The following XKR9 variants were observed in gnomAD, a reference collection of about 807,000 sequenced individuals.
XKR9 encodes XK related 9.
Under a neutral mutation model 32.0 loss-of-function variants are expected in XKR9, and 32 were observed. That is an observed-to-expected ratio of 1.00 (90% CI 0.76 to 1.34). XKR9 has a LOEUF of 1.34. Ranked by LOEUF, XKR9 falls within the 40% of genes most tolerant of loss-of-function variation. XKR9 has a pLI of 0.00. For missense variants in XKR9, 546 were observed against 429.7 expected (o/e 1.27, Z -2.39); for synonymous variants, 168 against 143.4 (o/e 1.17, Z -1.22).
At chr8:70,826,916 T>A in the XKR9 span, among the ~76,000 whole-genome samples, 1 of 152,122 alleles carries the variant, frequency 6.6e-6, no homozygotes, top group South Asian at 2.1e-4. Context: ...TTGAAGACCA[T>A]TTTTTAAAAA....
chr8:70,968,192 C>T, the XKR9 span, among the ~76,000 whole-genome samples: 1 of 151,546 alleles, frequency 6.6e-6, no homozygotes, highest in African/African-American at 2.4e-5. Flanking sequence ...AGATAGTCTT[C>T]AAACTCTGAG....
chr8:70,954,336 G>T, the XKR9 span, among the ~76,000 whole-genome samples: 1 of 152,166 alleles, frequency 6.6e-6, no homozygotes, highest in Non-Finnish European at 1.5e-5. Context: ...CTGGGGAGGA[G>T]CTGGGGATGG....
downstream of XKR9, among the ~76,000 whole-genome samples, chr8:70,793,761 A>T (rs1274495146): frequency 6.6e-6 from 1 of 151,990 alleles, no homozygotes; most frequent in Non-Finnish European, 1.5e-5. Context: ...GTAGCTTTGT[A>T]GTAGAATTTA....
the XKR9 span, among the ~76,000 whole-genome samples, chr8:70,812,455 G>A: frequency 3.9e-5 from 6 of 152,178 alleles, no homozygotes; most frequent in Middle Eastern, 3.2e-3. Flanking sequence ...AATTAGGCAG[G>A]AGAAGGAAAT....
intron 2 of XKR9, among the ~76,000 whole-genome samples, chr8:70,765,809 C>T (rs1394652131): frequency 6.6e-6 from 1 of 152,162 alleles, no homozygotes; most frequent in Admixed American, 6.5e-5. Context: ...GGTCCAGTTT[C>T]AGTTTTCTGC....
At chr8:71,040,978 GT>G in the XKR9 span, among the ~76,000 whole-genome samples, 1 of 152,112 alleles carries the variant, frequency 6.6e-6, no homozygotes, top group Admixed American at 6.6e-5. Flanking sequence ...CTTGATACAT[GT>G]CAACTGGAAA....
At chr8:70,747,789 C>T (rs1807079164) in intron 2 of XKR9, among the ~76,000 whole-genome samples, 1 of 152,022 alleles carries the variant, frequency 6.6e-6, no homozygotes, top group Non-Finnish European at 1.5e-5. Flanking sequence ...TATTTAAAGT[C>T]CAAAGACTGG....
chr8:70,740,102 C>G (rs528577369), downstream of XKR9, among the ~76,000 whole-genome samples: 5 of 152,188 alleles, frequency 3.3e-5, no homozygotes, highest in Non-Finnish European at 7.3e-5. Context: ...CTTTCAGGTA[C>G]AGCAATCAGA....
At chr8:70,698,291 T>G (rs1236797231) in intron 3 of XKR9, among the ~76,000 whole-genome samples, 24 of 151,014 alleles carry the variant, frequency 1.6e-4, no homozygotes, top group South Asian at 6.3e-4. Context: ...TGTCAATTTT[T>G]GATCTTTCCT....
At chr8:70,777,184 T>C (rs189604559) in intron 2 of XKR9, among the ~76,000 whole-genome samples, 20 of 151,620 alleles carry the variant, frequency 1.3e-4, no homozygotes, top group African/African-American at 4.3e-4. Context: ...TCAACTCCCA[T>C]TTATGAGTGA....
At chr8:70,880,054 G>A in the XKR9 span, among the ~76,000 whole-genome samples, 5 of 152,068 alleles carry the variant, frequency 3.3e-5, no homozygotes, top group Admixed American at 2.0e-4. Flanking sequence ...TGCAGAAAAG[G>A]CCTTTGACAA....
chr8:70,976,074 AT>A, the XKR9 span, among the ~76,000 whole-genome samples: 1 of 152,098 alleles, frequency 6.6e-6, no homozygotes, highest in Non-Finnish European at 1.5e-5. Context: ...AATGCTTGTG[AT>A]TTTTGCACAT....
chr8:71,014,892 A>T, the XKR9 span, among the ~76,000 whole-genome samples: 2 of 152,174 alleles, frequency 1.3e-5, no homozygotes, highest in Non-Finnish European at 2.9e-5. Flanking sequence ...CCTGTGTTTG[A>T]GTCCTGGGTC....
At chr8:71,039,266 A>C in the XKR9 span, among the ~76,000 whole-genome samples, 1 of 152,208 alleles carries the variant, frequency 6.6e-6, no homozygotes, top group Non-Finnish European at 1.5e-5. Context: ...CAATAAACCT[A>C]TCAAAAGCTG....
chr8:70,706,518 A>G (rs1805722580), intron 3 of XKR9, among the ~76,000 whole-genome samples: 1 of 152,122 alleles, frequency 6.6e-6, no homozygotes, highest in Non-Finnish European at 1.5e-5. Context: ...TGTCTTTCAG[A>G]AAGTAGTGGT....
the XKR9 span, among the ~76,000 whole-genome samples, chr8:70,798,808 C>A: frequency 6.6e-6 from 1 of 152,192 alleles, no homozygotes; most frequent in Non-Finnish European, 1.5e-5. Flanking sequence ...ATAGGGAGTC[C>A]TTTTCCCATT....
chr8:71,064,237 A>T, the XKR9 span, among the ~76,000 whole-genome samples: 1 of 152,146 alleles, frequency 6.6e-6, no homozygotes, highest in Non-Finnish European at 1.5e-5. Context: ...GATCTATAAC[A>T]TTTCACTCTT....
chr8:70,690,267 C>G (rs548185973), intron 3 of XKR9, among the ~76,000 whole-genome samples: 19 of 152,092 alleles, frequency 1.2e-4, no homozygotes, highest in Admixed American at 1.2e-3. Flanking sequence ...CACCCTCCCC[C>G]TCAAGTAGAT....
At chr8:70,695,887 G>A (rs1805254803) in intron 3 of XKR9, among the ~76,000 whole-genome samples, 1 of 150,950 alleles carries the variant, frequency 6.6e-6, no homozygotes, top group Non-Finnish European at 1.5e-5. Context: ...GTGTGAGATG[G>A]TATCTCATTG....
Sources: allele counts gnomAD v4.1 joint callset (sites outside exome capture counted in the v4.1 genomes callset), GRCh38; gene constraint gnomAD v4.1.1; transcripts MANE v1.5; gene names NCBI Gene and HGNC (gene_info 2026-07-23, HGNC 2026-07-21).